The following PRDM16 variants were observed in gnomAD, a reference collection of about 807,000 sequenced individuals.
The protein encoded by PRDM16 is PR/SET domain 16, also known as histone-lysine N-methyltransferase PRDM16.
A neutral mutation model predicts 110.6 loss-of-function variants in PRDM16; 23 were observed. The ratio of observed to expected loss-of-function variants is 0.21; its 90% CI spans 0.15 to 0.29. The LOEUF (loss-of-function observed/expected upper bound fraction) is 0.29. Among genes scored for constraint, PRDM16 ranks in the 10% least tolerant of loss-of-function variants. The pLI is 1.00. For synonymous variants in PRDM16, 799 were observed against 781.8 expected (o/e 1.02, Z -0.37); for missense variants, 1,615 against 1,794.3 (o/e 0.90, Z 1.81).
In PRDM16 at chr1:3,245,667, G is replaced by C; in HGVS notation, c.438+1530G>C. 6.6e-6 allele frequency among the ~76,000 whole-genome samples: 1 copy of C among 152,162 alleles called. No homozygotes were observed. The highest frequency in any genetic ancestry group is 1.5e-5 in the Non-Finnish European group (1 of 68,028). On this transcript the variant is annotated intron_variant, in intron 3 of 16. Transcript: ENST00000270722. This position sits in a 1 kb window ranked among gnomAD's most constrained non-coding sequence, Gnocchi z 4.7. ...CCCACGTTTGACTGGAGCAAATGGA[G>C]CAAATTCCAGGGCTGGTCTTTTCCA...
At chr1:3,409,623 T>C (rs1643634479) in intron 8 of PRDM16, among the ~76,000 whole-genome samples, 1 of 152,072 alleles carries the variant, frequency 6.6e-6, no homozygotes, top group Non-Finnish European at 1.5e-5. Context: ...CAAATTGTCC[T>C]ACAGAGAGAG....
intron 1 of PRDM16, among the ~76,000 whole-genome samples, chr1:3,116,349 G>A (rs1052098400): frequency 3.9e-5 from 6 of 152,134 alleles, no homozygotes; most frequent in African/African-American, 7.2e-5. Flanking sequence ...TGTGAGAACC[G>A]AGAGCCAGGG....
At position 3,290,807 on chromosome 1, in the gene PRDM16, C is replaced by T. The variant is rs901404631; in HGVS notation, c.438+46670C>T. On this transcript the variant is annotated intron_variant, in intron 3 of 16. Coordinates refer to ENST00000270722, the MANE Select transcript of PRDM16 (RefSeq NM_022114.4). This position sits in a 1 kb window ranked among gnomAD's most constrained non-coding sequence, Gnocchi z 4.8. ...CCTACGAGATCCCTGAAACGGGATA[C>T]GCCGAGCTGAACTTGGCCACATAAT... 3.9e-5 allele frequency among the ~76,000 whole-genome samples: 6 copies of T among 151,980 alleles called. No homozygotes were observed. The highest frequency in any genetic ancestry group is 2.1e-4 in the South Asian group (1 of 4,828).
At chr1:3,096,456 G>A (rs1262192156) in intron 1 of PRDM16, among the ~76,000 whole-genome samples, 1 of 152,188 alleles carries the variant, frequency 6.6e-6, no homozygotes. Context: ...AGGCGACTGG[G>A]CCTGAATGCA....
rs780745075 is a variant in PRDM16, at chr1:3,437,733, G to A, written c.*3922G>A. 8 of 221,602 alleles carry A rather than the reference G, an allele frequency of 3.6e-5. No homozygotes were observed. Among genetic ancestry groups the A allele is most frequent in the South Asian group, 1.8e-4 (1 of 5,422 alleles). 13.7% of individuals were successfully genotyped at this position (221,602 alleles called of 1,614,324 possible). On this transcript the variant is annotated 3_prime_UTR_variant, in exon 17 of 17. Transcript: ENST00000270722. ...TTTTGTTCTTTTCTGTCACTGATCC[G>A]TATTACCACTTTTGGAAAAAAATAA...
At chr1:3,195,105 G>A (rs12094678) in intron 2 of PRDM16, among the ~76,000 whole-genome samples, 57,105 of 152,142 alleles carry the variant, frequency 0.38, 16,989 homozygotes, top group African/African-American at 0.82. Context: ...GGCACACAGC[G>A]TCGGGATTTG....
chr1:3,157,551 GA>G lies in PRDM16; in HGVS notation c.38-28566del, dbSNP rs1643869050. 1.3e-5 allele frequency among the ~76,000 whole-genome samples: 2 copies of G among 151,564 alleles called. No homozygotes were observed. The highest frequency in any genetic ancestry group is 2.1e-4 in the South Asian group (1 of 4,752). ...TGGGCAGAAAAGAGATGATAGATGAGAAAAAAAAGAGACTGTAGGTTACAGA... is the reference window on the plus strand; with the variant it reads ...TGGGCAGAAAAGAGATGATAGATGAGAAAAAAAGAGACTGTAGGTTACAGA... On this transcript the variant is annotated intron_variant, in intron 1 of 16. Coordinates refer to ENST00000270722, the MANE Select transcript of PRDM16 (RefSeq NM_022114.4). This position sits in a 1 kb window ranked among gnomAD's most constrained non-coding sequence, Gnocchi z 4.8.
Position 3,385,231 on chromosome 1 carries a change from G to A in PRDM16, c.518G>A (p.Arg173His), listed in dbSNP as rs768419281. 1.5e-5 allele frequency: 24 copies of A among 1,613,638 alleles called. No homozygotes were observed. The highest frequency in any genetic ancestry group is 2.2e-5 in the East Asian group (1 of 44,894). The change falls in exon 4 of 17, where the codon CGT becomes CAT. Residue 173 changes from arginine (R) to histidine (H), a missense_variant. Transcript: ENST00000270722. ...AGAGSWLKYI[R>H]VACSCDDQNL... The stretch of plus-strand genomic sequence containing the variant: ...GCTGGCAGCTGGCTCAAGTACATCC[G>A]TGTGGCGTGCTCCTGCGATGACCAG...
At chr1:3,095,520 G>A (rs889868573) in intron 1 of PRDM16, among the ~76,000 whole-genome samples, 3 of 152,180 alleles carry the variant, frequency 2.0e-5, no homozygotes, top group South Asian at 2.1e-4. Flanking sequence ...CAAGCACTGC[G>A]TGGTGCCTCA....
At position 3,168,363 on chromosome 1, in the gene PRDM16, C is replaced by T. The variant is rs552377628; in HGVS notation, c.38-17762C>T. Among the ~76,000 whole-genome samples, 25 of 142,232 alleles carry T rather than the reference C, an allele frequency of 1.8e-4. 1 individual carries two copies. Among genetic ancestry groups the T allele is most frequent in the African/African-American group, 6.7e-4 (25 of 37,328 alleles). The allele number at this position is 142,232 out of a possible 152,430, so 93.3% of individuals were successfully genotyped here. A position where few individuals can be genotyped will look rare whatever the true frequency, so the allele number is the denominator to read the frequency against. ...CCATGCAGCCATCCTCCTGCCCCACCCCTGCCTGGTTTTCTGGAACCCCTG... is the reference window on the plus strand; with the variant it reads ...CCATGCAGCCATCCTCCTGCCCCACTCCTGCCTGGTTTTCTGGAACCCCTG... On this transcript the variant is annotated intron_variant, in intron 1 of 16. Coordinates refer to ENST00000270722, the MANE Select transcript of PRDM16 (RefSeq NM_022114.4).
chr1:3,410,135 G>A (rs533252494), intron 8 of PRDM16, among the ~76,000 whole-genome samples: 72 of 151,138 alleles, frequency 4.8e-4, no homozygotes, highest in Admixed American at 1.3e-3. Context: ...GCATGTGTAT[G>A]AATGTGGTGT....
At position 3,390,393 on chromosome 1, in the gene PRDM16, G is replaced by A. The variant is rs1643278364; in HGVS notation, c.573+5107G>A. Among the ~76,000 whole-genome samples, 1 of 152,152 alleles carries A rather than the reference G, an allele frequency of 6.6e-6. No individual in the cohort carries two copies. The highest frequency in any genetic ancestry group is 2.1e-4 in the South Asian group (1 of 4,822). ...CGGCTGTAGGGCTCTCAAACGACCT[G>A]TAGCACCCCTGGATTGAGAGAAGCA... On this transcript the variant is annotated intron_variant, in intron 4 of 16. Coordinates refer to ENST00000270722, the MANE Select transcript of PRDM16 (RefSeq NM_022114.4). This position sits in a 1 kb window ranked among gnomAD's most constrained non-coding sequence, Gnocchi z 5.0.
rs1386209116 is a variant in PRDM16, at chr1:3,243,005, G to A, written c.388-1082G>A. 6.6e-6 allele frequency among the ~76,000 whole-genome samples: 1 copy of A among 152,212 alleles called. No homozygotes were observed. Among genetic ancestry groups the A allele is most frequent in the Non-Finnish European group, 1.5e-5 (1 of 68,042 alleles). ...CTCTGGGATGGGTCACTGAGACGCC[G>A]CCACTCTGGAGTGCAGCCTGGTGGC... On this transcript the variant is annotated intron_variant, in intron 2 of 16. Coordinates refer to ENST00000270722, the MANE Select transcript of PRDM16 (RefSeq NM_022114.4). This position sits in a 1 kb window ranked among gnomAD's most constrained non-coding sequence, Gnocchi z 5.5.
chr1:3,263,822 C>T (rs1640224620), intron 3 of PRDM16, among the ~76,000 whole-genome samples: 1 of 152,206 alleles, frequency 6.6e-6, no homozygotes, highest in Non-Finnish European at 1.5e-5. Context: ...AAAAGCGACC[C>T]CTGGGCAGGT....
At chr1:3,253,356 C>A (rs949555967) in intron 3 of PRDM16, among the ~76,000 whole-genome samples, 6 of 116,474 alleles carry the variant, frequency 5.2e-5, no homozygotes, top group East Asian at 3.0e-4. Context: ...ATCCCTCCCC[C>A]CCTCCCCCCA....
chr1:3,083,960 T>C (rs1343179545), intron 1 of PRDM16, among the ~76,000 whole-genome samples: 1 of 152,314 alleles, frequency 6.6e-6, no homozygotes, highest in East Asian at 1.9e-4. Context: ...TGGAGACTTA[T>C]GCAGAGATCA....
chr1:3,191,107 G>A (rs1408927716), intron 2 of PRDM16, among the ~76,000 whole-genome samples: 2 of 152,212 alleles, frequency 1.3e-5, no homozygotes, highest in Non-Finnish European at 2.9e-5. Context: ...GCTCTCGAAG[G>A]CATCAGCGGC....
intron 1 of PRDM16, among the ~76,000 whole-genome samples, chr1:3,126,927 A>C (rs1199426420): frequency 6.6e-6 from 1 of 152,056 alleles, no homozygotes; most frequent in East Asian, 1.9e-4. Flanking sequence ...TCGAGAGCTT[A>C]CTCTGGACTC....
At chr1:3,135,475 C>T (rs902196792) in intron 1 of PRDM16, among the ~76,000 whole-genome samples, 5 of 152,332 alleles carry the variant, frequency 3.3e-5, no homozygotes, top group African/African-American at 7.2e-5. Flanking sequence ...GTGAGTTCAA[C>T]GTGCCAGGAG....
Sources: gnomAD v4.1 joint callset for allele counts (sites outside exome capture counted in the v4.1 genomes callset) on GRCh38, gnomAD v4.1.1 for gene constraint, Gnocchi (gnomAD v3.1) non-coding constraint, MANE v1.5 for transcripts, NCBI Gene and HGNC (gene_info 2026-07-23, HGNC 2026-07-21) for gene names.